Variants in PGGT1B observed in about 807,000 individuals in gnomAD.
PGGT1B encodes geranylgeranyl transferase type-1 subunit beta.
In PGGT1B, 30 loss-of-function variants were observed where a neutral mutation model predicts 46.1. The ratio of observed to expected loss-of-function variants is 0.65; its 90% CI spans 0.49 to 0.88. The LOEUF is 0.88. PGGT1B is among the 40% of genes least tolerant of loss of function. PGGT1B has a pLI of 0.00. For missense variants in PGGT1B, 376 were observed against 455.9 expected (o/e 0.82, Z 1.60); for synonymous variants, 170 against 160.0 (o/e 1.06, Z -0.47).
In PGGT1B at chr5:115,210,694, T is replaced by C. The variant is rs1756194859; in HGVS notation, c.*1708A>G. On this transcript the variant is annotated 3_prime_UTR_variant, in exon 9 of 9. Transcript: ENST00000419445. ...TACAGAAAAAACAATTTGGGCTTTT[T>C]ATATAGTCCTAAAGCCATTATATAT... The C allele has an allele frequency of 6.6e-6, 1 of 152,116 alleles. No homozygotes were observed. Among genetic ancestry groups the C allele is most frequent in the African/African-American group, 2.4e-5 (1 of 41,452 alleles). The allele number at this position is 152,116 out of a possible 1,614,324, so 9.4% of individuals were successfully genotyped here. A position where few individuals can be genotyped will look rare whatever the true frequency, so the allele number is the denominator to read the frequency against.
intron 5 of PGGT1B, 130 bp downstream of exon 5, chr5:115,236,260 T>C (rs115929728): frequency 7.1e-5 from 47 of 666,178 alleles, no homozygotes; most frequent in Non-Finnish European, 1.1e-4. Context: ...TGATACACAA[T>C]TTACCAAAAA....
intron 8 of PGGT1B, among the ~76,000 whole-genome samples, chr5:115,216,383 A>G (rs1020292291): frequency 6.6e-6 from 1 of 152,064 alleles, no homozygotes; most frequent in African/African-American, 2.4e-5. Flanking sequence ...CAAGTGATCC[A>G]CCTGCCTTGA....
At chr5:115,247,600 A>G (rs1747908901) in intron 2 of PGGT1B, among the ~76,000 whole-genome samples, 1 of 152,202 alleles carries the variant, frequency 6.6e-6, no homozygotes, top group African/African-American at 2.4e-5. Flanking sequence ...TTTCCTAGTA[A>G]GAAGACATGC....
rs1383174955 is a variant in PGGT1B, at chr5:115,206,756, A to C, written c.*5646T>G. On this transcript the variant is annotated 3_prime_UTR_variant, in exon 9 of 9. Transcript: ENST00000419445. ...ATGTTTCTTTATGCTAAATCTATAG[A>C]TAGAGAGTATCTGGGCCAAAAAGTG... 6 of 152,100 alleles carry C rather than the reference A, an allele frequency of 3.9e-5. No homozygotes were observed. In the South Asian group the frequency reaches 1.0e-3, roughly 26 times the overall value. 9.4% of individuals were successfully genotyped at this position (152,100 alleles called of 1,614,324 possible).
chr5:115,238,027 A>G lies in PGGT1B; in HGVS notation c.328-18T>C. 1.3e-6 allele frequency: 2 copies of G among 1,539,000 alleles called. No individual in the cohort carries two copies. The highest frequency in any genetic ancestry group is 8.8e-7 in the Non-Finnish European group (1 of 1,131,154). On this transcript the variant is annotated intron_variant, in intron 3 of 8. Coordinates refer to ENST00000419445, the MANE Select transcript of PGGT1B (RefSeq NM_005023.4). ...CCAGGAGCCTAAATACAAAATTAATATAGTACTAATTAATGAAGTGAAATG... is the reference window on the plus strand; with the variant it reads ...CCAGGAGCCTAAATACAAAATTAATGTAGTACTAATTAATGAAGTGAAATG...
At position 115,236,527 on chromosome 5, in the gene PGGT1B, AAAT is replaced by A. The variant is rs780084167; in HGVS notation, c.480-8_480-6del. 224 of 1,517,782 alleles carry A rather than the reference AAAT, an allele frequency of 1.5e-4. 5 individuals are homozygous for A. The South Asian group carries it at 2.9e-3, about 20-fold the overall frequency. The allele number at this position is 1,517,782 out of a possible 1,614,324, so 94.0% of individuals were successfully genotyped here. A position where few individuals can be genotyped will look rare whatever the true frequency, so the allele number is the denominator to read the frequency against. On this transcript the variant is annotated splice_region_variant and splice_polypyrimidine_tract_variant and intron_variant, in intron 4 of 8. Transcript: ENST00000419445. ...CCTTCAGGTACTGCACAAAAACTGA[AAAT>A]AATAACAACAATATGATTTTCTATT...
intron 6 of PGGT1B, 56 bp downstream of exon 6, chr5:115,230,920 G>C: frequency 9.7e-7 from 1 of 1,030,734 alleles, no homozygotes; most frequent in Non-Finnish European, 1.5e-6. Context: ...AAGACACCAA[G>C]ATGTTGTCTA....
chr5:115,237,138 G>A (rs1056678151), intron 4 of PGGT1B, among the ~76,000 whole-genome samples: 1 of 152,094 alleles, frequency 6.6e-6, no homozygotes, highest in African/African-American at 2.4e-5. Context: ...GTTTCATAGG[G>A]TTTCCAATTA....
At chr5:115,253,873 A>G (rs1379009642) in intron 1 of PGGT1B, among the ~76,000 whole-genome samples, 1 of 152,046 alleles carries the variant, frequency 6.6e-6, no homozygotes, top group Non-Finnish European at 1.5e-5. Context: ...ACTGTACACT[A>G]TAAATCAGAA....
rs147893997 is a variant in PGGT1B at position 115,257,831 on chromosome 5, C to T, written c.141-4576G>A. Among the ~76,000 whole-genome samples the T allele has an allele frequency of 3.7e-3, 569 of 152,230 alleles. 3 individuals carry two copies. The highest frequency in any genetic ancestry group is 0.013 in the African/African-American group (548 of 41,558). ...AAGCATCTACATTAAGAAATAAGAA[C>T]ACAAATAAAATTGATAACCATGTCA... On this transcript the variant is annotated intron_variant, in intron 1 of 8. Coordinates refer to ENST00000419445, the MANE Select transcript of PGGT1B (RefSeq NM_005023.4).
At chr5:115,240,264 C>A (rs898103799) in intron 3 of PGGT1B, among the ~76,000 whole-genome samples, 1 of 152,054 alleles carries the variant, frequency 6.6e-6, no homozygotes, top group Admixed American at 6.6e-5. Context: ...CAATTTTACT[C>A]CTGTTATTTT....
In PGGT1B at chr5:115,207,423, T is replaced by A. The variant is rs1241981948; in HGVS notation, c.*4979A>T. ...TTAAAGCCAGTTGAAAAATAATGTATACTATATGGTTCCACTCATATAAAA... is the reference window on the plus strand; with the variant it reads ...TTAAAGCCAGTTGAAAAATAATGTAAACTATATGGTTCCACTCATATAAAA... On this transcript the variant is annotated 3_prime_UTR_variant, in exon 9 of 9. Transcript: ENST00000419445. 6.6e-6 allele frequency: 1 copy of A among 151,678 alleles called. No individual in the cohort carries two copies. Among genetic ancestry groups the A allele is most frequent in the South Asian group, 2.1e-4 (1 of 4,820 alleles). The allele number at this position is 151,678 out of a possible 1,614,324, so 9.4% of individuals were successfully genotyped here.
At chr5:115,260,510 T>C (rs576858878) in intron 1 of PGGT1B, among the ~76,000 whole-genome samples, 43 of 152,112 alleles carry the variant, frequency 2.8e-4, no homozygotes, top group African/African-American at 9.4e-4. Flanking sequence ...GCTGAAAAGG[T>C]TGGAGTTTCT....
rs1757233066 is a variant in PGGT1B, at chr5:115,237,940, C to G, written c.397G>C (p.Val133Leu). The G allele has an allele frequency of 6.2e-7, 1 of 1,612,536 alleles. No individual in the cohort carries two copies. Residue 133 changes from valine (V) to leucine (L), a missense_variant, in exon 4 of 9, where the codon GTT (valine) becomes CTT (leucine). Val to Leu is a conservative substitution (Grantham distance 32). Around this residue, in one of 2 missense-constraint regions of PGGT1B, gnomAD observed 222 missense variants for 313.6 expected, o/e 0.71. Transcript: ENST00000419445. ...CGGCTTAAGTCGTCTCCAAGAATAA[C>G]TAAGCATGAGAGGCCAGTGTAGGTC... ...AMTYTGLSCLVILGDDLSRVN... is the reference protein window; with the variant it reads ...AMTYTGLSCLLILGDDLSRVN...
chr5:115,215,443 C>T (rs999979183), intron 8 of PGGT1B, among the ~76,000 whole-genome samples: 1 of 152,040 alleles, frequency 6.6e-6, no homozygotes, highest in Non-Finnish European at 1.5e-5. Context: ...GGATTACAGG[C>T]ACCCACCACC....
At chr5:115,260,732 G>A (rs1054932751) in intron 1 of PGGT1B, among the ~76,000 whole-genome samples, 2 of 151,952 alleles carry the variant, frequency 1.3e-5, no homozygotes, top group Admixed American at 6.6e-5. Context: ...GACAAAAAAG[G>A]ATACAATATT....
At position 115,210,726 on chromosome 5, in the gene PGGT1B, C is replaced by CT. The variant is rs1252403905; in HGVS notation, c.*1675dup. The CT allele has an allele frequency of 2.6e-5, 4 of 152,048 alleles. No homozygotes were observed. The highest frequency in any genetic ancestry group is 9.7e-5 in the African/African-American group (4 of 41,426). 9.4% of individuals were successfully genotyped at this position (152,048 alleles called of 1,614,324 possible). A position where few individuals can be genotyped will look rare whatever the true frequency, so the allele number is the denominator to read the frequency against. ...TCCTAAAGCCATTATATATATGCTA[C>CT]TTTAACTTCCAATGTCTAAGAGATG... On this transcript the variant is annotated 3_prime_UTR_variant, in exon 9 of 9. Coordinates refer to ENST00000419445, the MANE Select transcript of PGGT1B (RefSeq NM_005023.4).
At chr5:115,235,608 C>G (rs1025445755) in intron 5 of PGGT1B, among the ~76,000 whole-genome samples, 1 of 152,066 alleles carries the variant, frequency 6.6e-6, no homozygotes, top group Non-Finnish European at 1.5e-5. Context: ...ACTATTCATA[C>G]CAAAAATTCT....
In PGGT1B at chr5:115,258,852, A is replaced by G. The variant is rs988718621; in HGVS notation, c.140+3860T>C. Among the ~76,000 whole-genome samples the G allele has an allele frequency of 2.6e-5, 4 of 152,184 alleles. No individual in the cohort carries two copies. The South Asian group carries it at 8.3e-4, about 32-fold the overall frequency. ...CAGAAATGCAGCATCTCCGGCTCACACTCAGCATCACACTCCTCAGCTATT... is the reference window on the plus strand; with the variant it reads ...CAGAAATGCAGCATCTCCGGCTCACGCTCAGCATCACACTCCTCAGCTATT... On this transcript the variant is annotated intron_variant, in intron 1 of 8. Transcript: ENST00000419445.
Sources: gnomAD v4.1 joint callset for allele counts (sites outside exome capture counted in the v4.1 genomes callset) on GRCh38, gnomAD v4.1.1 for gene constraint, gnomAD v4.1.1 regional missense constraint, MANE v1.5 for transcripts, NCBI Gene and HGNC (gene_info 2026-07-23, HGNC 2026-07-21) for gene names.